BPTF: variants seen among roughly 807,000 people sequenced by gnomAD.
BPTF encodes nucleosome-remodeling factor subunit BPTF.
A neutral mutation model predicts 292.5 loss-of-function variants in BPTF; 18 were observed. That is an observed-to-expected ratio of 0.06 (90% CI 0.04 to 0.09). BPTF has a LOEUF of 0.09. Ranked by LOEUF, BPTF falls within the 10% of genes least tolerant of loss-of-function variation. BPTF has a pLI of 1.00. For synonymous variants in BPTF, 1,225 were observed against 1,251.9 expected (o/e 0.98, Z 0.45); for missense variants, 2,726 against 3,498.7 (o/e 0.78, Z 5.57).
At chr17:67,905,452 A>G (rs1260707251) in intron 9 of BPTF, among the ~76,000 whole-genome samples, 1 of 152,004 alleles carries the variant, frequency 6.6e-6, no homozygotes, top group African/African-American at 2.4e-5. Flanking sequence ...TACACCTATA[A>G]TCCCAGTGCT....
chr17:67,975,534 C>T (rs1282458915), intron 26 of BPTF: 1 of 414,866 alleles, frequency 2.4e-6, no homozygotes, highest in Non-Finnish European at 4.3e-6. Context: ...GTGCAGTTAC[C>T]TGAAAGTAAA....
Position 67,877,903 on chromosome 17 carries a change from G to A in BPTF, c.1864+2883G>A, listed in dbSNP as rs375972460. Among the ~76,000 whole-genome samples the A allele has an allele frequency of 9.9e-5, 15 of 152,212 alleles. No homozygotes were observed. In the South Asian group the frequency reaches 3.1e-3, roughly 32 times the overall value. Reference sequence around the variant, plus strand: ...CCGCCTCTGCCTCTCAAAAGTGCTGGGATTACAGGCATGAGCTACTGCACC... The same window carrying A: ...CCGCCTCTGCCTCTCAAAAGTGCTGAGATTACAGGCATGAGCTACTGCACC... On this transcript the variant is annotated intron_variant, in intron 4 of 27. Coordinates refer to ENST00000306378, the MANE Select transcript of BPTF (RefSeq NM_182641.4).
chr17:67,929,076 C>T, intron 16 of BPTF: 1 of 1,285,658 alleles, frequency 7.8e-7, no homozygotes, highest in Middle Eastern at 2.0e-4. Context: ...CCACTTCCTG[C>T]AAACAGCAAG....
chr17:67,887,796 G>A, intron 4 of BPTF, among the ~76,000 whole-genome samples: 1 of 152,278 alleles, frequency 6.6e-6, no homozygotes, highest in African/African-American at 2.4e-5. Context: ...ATTTATGTGT[G>A]TTAACCTCAT....
chr17:67,884,862 A>G (rs1157509495), intron 4 of BPTF, among the ~76,000 whole-genome samples: 1 of 152,050 alleles, frequency 6.6e-6, no homozygotes, highest in Non-Finnish European at 1.5e-5. Context: ...TGTTAAGTAA[A>G]TGCATGTGTA....
chr17:67,864,874 G>A (rs915413519), intron 2 of BPTF, among the ~76,000 whole-genome samples: 3 of 151,962 alleles, frequency 2.0e-5, no homozygotes, highest in Non-Finnish European at 4.4e-5. Flanking sequence ...GCGCGAACTC[G>A]GCTCACTCTA....
intron 24 of BPTF, among the ~76,000 whole-genome samples, chr17:67,961,740 G>A (rs1598940386): frequency 6.6e-6 from 1 of 152,230 alleles, no homozygotes; most frequent in South Asian, 2.1e-4. Flanking sequence ...TTGGGAGGCC[G>A]AGGTGGACGG....
chr17:67,892,809 G>A (rs2061208218), intron 5 of BPTF, among the ~76,000 whole-genome samples: 1 of 152,096 alleles, frequency 6.6e-6, no homozygotes, highest in South Asian at 2.1e-4. Flanking sequence ...TTCTGTGCTA[G>A]CCTATTGCAT....
intron 4 of BPTF, among the ~76,000 whole-genome samples, chr17:67,878,341 T>A (rs982167767): frequency 2.0e-5 from 3 of 152,196 alleles, no homozygotes; most frequent in Admixed American, 6.5e-5. Context: ...TTATGAATAA[T>A]ACTATTATGA....
chr17:67,928,705 T>C (rs2147439824), intron 16 of BPTF, 104 bp downstream of exon 16: 1 of 1,377,520 alleles, frequency 7.3e-7, no homozygotes, highest in Non-Finnish European at 9.7e-7. Context: ...TTGTTTTTCT[T>C]TTGCAGCCAG....
intron 4 of BPTF, among the ~76,000 whole-genome samples, chr17:67,881,858 GTT>G (rs71354089): frequency 3.7e-4 from 11 of 30,016 alleles, no homozygotes; most frequent in Non-Finnish European, 7.2e-4. Context: ...TTGGGTTTTT[GTT>G]TTTTTTTTTT....
rs139422646 is a variant in BPTF, at chr17:67,893,531, C to T, written c.2217C>T (p.His739=). 5.6e-6 allele frequency: 9 copies of T among 1,613,946 alleles called. No individual in the cohort carries two copies. The highest frequency in any genetic ancestry group is 7.6e-6 in the Non-Finnish European group (9 of 1,179,968). ...YSTNSFALNK[H]QHREDHDKRR... ...CCAATTCATTTGCTTTGAATAAGCA[C>T]CAGCACAGAGAAGACCATGATAAGA... The change falls in exon 6 of 28, where the codon CAC becomes CAT. Residue 739 remains histidine (H), a synonymous_variant. Coordinates refer to ENST00000306378, the MANE Select transcript of BPTF (RefSeq NM_182641.4).
At chr17:67,885,368 G>A (rs968132225) in intron 4 of BPTF, among the ~76,000 whole-genome samples, 1 of 152,196 alleles carries the variant, frequency 6.6e-6, no homozygotes, top group Admixed American at 6.5e-5. Flanking sequence ...TGGATCACCT[G>A]AGGTCAGGAG....
At chr17:67,858,481 G>T (rs1426753094) in intron 2 of BPTF, among the ~76,000 whole-genome samples, 1 of 151,004 alleles carries the variant, frequency 6.6e-6, no homozygotes, top group East Asian at 1.9e-4. Context: ...CTTGAACCTA[G>T]GAGGCGGAGG....
At chr17:67,832,721 C>T (rs2056801226) in intron 1 of BPTF, among the ~76,000 whole-genome samples, 1 of 151,800 alleles carries the variant, frequency 6.6e-6, no homozygotes, top group African/African-American at 2.4e-5. Flanking sequence ...CCCTGTTCTT[C>T]ACCTCCCTCC....
At chr17:67,958,455 G>C (rs2067154482) in intron 23 of BPTF, among the ~76,000 whole-genome samples, 2 of 152,116 alleles carry the variant, frequency 1.3e-5, no homozygotes, top group South Asian at 4.1e-4. Context: ...GGGCCAGGCA[G>C]TGTGGCTCAC....
In BPTF at chr17:67,911,263, A is replaced by G; in HGVS notation, c.3379A>G (p.Asn1127Asp). The G allele has an allele frequency of 1.2e-6, 2 of 1,614,086 alleles. No homozygotes were observed. The highest frequency in any genetic ancestry group is 1.7e-6 in the Non-Finnish European group (2 of 1,180,006). The change falls in exon 11 of 28, where the codon AAT becomes GAT. Residue 1127 changes from asparagine to aspartate, a missense_variant. By Grantham distance (23) the Asn-to-Asp change is conservative. Transcript: ENST00000306378. ...SDSMRQEQSP[N>D]ANNDQPEDLI... ...CTCGATGAGACAAGAACAGAGCCCA[A>G]ATGCAAATAATGATCAACCTGAGGA... is the stretch of plus-strand genomic sequence containing the variant.
chr17:67,932,109 A>G (rs2064447040), intron 18 of BPTF, 90 bp downstream of exon 18: 2 of 1,080,948 alleles, frequency 1.9e-6, no homozygotes, highest in South Asian at 2.8e-5. Context: ...CATACGAGAA[A>G]TATAATTTTA....
chr17:67,929,865 G>A (rs564937588), intron 17 of BPTF, among the ~76,000 whole-genome samples: 50 of 152,200 alleles, frequency 3.3e-4, no homozygotes, highest in Non-Finnish European at 4.0e-4. Flanking sequence ...CCTGTAATCC[G>A]AACACTTTGG....
Sources: gnomAD v4.1 joint callset for allele counts (sites outside exome capture counted in the v4.1 genomes callset) on GRCh38, gnomAD v4.1.1 for gene constraint, MANE v1.5 for transcripts, NCBI Gene and HGNC (gene_info 2026-07-23, HGNC 2026-07-21) for gene names.